The following FUT8 variants were observed in gnomAD, a reference collection of about 807,000 sequenced individuals.
FUT8 encodes the protein fucosyltransferase 8.
FUT8 carries 29 observed loss-of-function variants against 71.3 expected under a neutral mutation model. The observed-to-expected ratio is 0.41, with a 90% CI of 0.30 to 0.55. The LOEUF (loss-of-function observed/expected upper bound fraction) is 0.55, where lower values mean the gene tolerates loss of function less well. FUT8 is among the 20% of genes least tolerant of loss of function. The pLI is 0.34. For missense variants in FUT8, 544 were observed against 702.1 expected (o/e 0.77, Z 2.55); for synonymous variants, 254 against 239.3 (o/e 1.06, Z -0.57).
intron 2 of FUT8, among the ~76,000 whole-genome samples, chr14:65,522,232 T>G (rs188541493): frequency 3.9e-5 from 6 of 152,350 alleles, no homozygotes; most frequent in African/African-American, 1.4e-4. Context: ...CTCTCCCGAC[T>G]TTTCCTTTTG....
chr14:65,700,039 T>C (rs1363889204), intron 7 of FUT8, among the ~76,000 whole-genome samples: 1 of 152,194 alleles, frequency 6.6e-6, no homozygotes, highest in Non-Finnish European at 1.5e-5. Context: ...AAGAAATAAT[T>C]TGTTGGTACA....
chr14:65,481,812 A>T (rs886623415), intron 2 of FUT8, among the ~76,000 whole-genome samples: 3 of 151,980 alleles, frequency 2.0e-5, no homozygotes, highest in African/African-American at 7.3e-5. Flanking sequence ...CCATTATTTA[A>T]ATTGGGTTGT....
chr14:65,438,536 A>C (rs2065594993), intron 1 of FUT8, among the ~76,000 whole-genome samples: 1 of 152,180 alleles, frequency 6.6e-6, no homozygotes, highest in South Asian at 2.1e-4. Context: ...TATACTTGTA[A>C]GGATGGTAGA....
chr14:65,614,641 A>G (rs777224038), intron 3 of FUT8, among the ~76,000 whole-genome samples: 8 of 152,156 alleles, frequency 5.3e-5, no homozygotes, highest in Non-Finnish European at 1.0e-4. Flanking sequence ...TTCCTTGCTC[A>G]TGGTTGCTTC....
intron 7 of FUT8, among the ~76,000 whole-genome samples, chr14:65,705,028 C>A (rs76999762): frequency 6.6e-6 from 1 of 152,192 alleles, no homozygotes; most frequent in East Asian, 1.9e-4. Flanking sequence ...GTGTGATATG[C>A]TAATTCTTAA....
chr14:65,586,040 T>C (rs1015337694), intron 3 of FUT8, among the ~76,000 whole-genome samples: 1 of 152,122 alleles, frequency 6.6e-6, no homozygotes, highest in African/African-American at 2.4e-5. Flanking sequence ...TTAAAATAAT[T>C]GCATAGAGAA....
At chr14:65,451,608 C>T (rs1566755872) in intron 1 of FUT8, among the ~76,000 whole-genome samples, 1 of 152,066 alleles carries the variant, frequency 6.6e-6, no homozygotes, top group African/African-American at 2.4e-5. Flanking sequence ...TTGTCTGGCG[C>T]CCAGGAAAAA....
At chr14:65,514,018 A>G (rs1183414572) in intron 2 of FUT8, among the ~76,000 whole-genome samples, 1 of 152,236 alleles carries the variant, frequency 6.6e-6, no homozygotes, top group Non-Finnish European at 1.5e-5. Context: ...TCTTTATGTC[A>G]ACAGGTGAAC....
chr14:65,538,793 G>A (rs1268564366), intron 2 of FUT8, among the ~76,000 whole-genome samples: 3 of 152,104 alleles, frequency 2.0e-5, no homozygotes, highest in Non-Finnish European at 2.9e-5. Flanking sequence ...GGTGGCATGC[G>A]CCTGTAATCC....
intron 2 of FUT8, among the ~76,000 whole-genome samples, chr14:65,506,671 G>A (rs1223132126): frequency 6.6e-6 from 1 of 152,094 alleles, no homozygotes; most frequent in Non-Finnish European, 1.5e-5. Context: ...GTAGGTATAT[G>A]TATTTATGGG....
Position 65,652,336 on chromosome 14 carries a change from T to C in FUT8, c.598-16907T>C, listed in dbSNP as rs1404895496. The stretch of plus-strand genomic sequence containing the variant: ...TGCGATTTGCTCCTGGTTGATTCAA[T>C]ATAAGAGGAAGTTGGCTGGTGGGAA... On this transcript the variant is annotated intron_variant, in intron 6 of 10. Transcript: ENST00000673929. The surrounding 1 kb of genome is among the most constrained non-coding windows in gnomAD (Gnocchi z 4.0). Among the ~76,000 whole-genome samples, 1 of 152,238 alleles carries C rather than the reference T, an allele frequency of 6.6e-6. No homozygotes were observed. Among genetic ancestry groups the C allele is most frequent in the Non-Finnish European group, 1.5e-5 (1 of 68,038 alleles).
chr14:65,383,265 C>CT, the FUT8 span, among the ~76,000 whole-genome samples: 574 of 86,524 alleles, frequency 6.6e-3, 22 homozygotes, highest in East Asian at 0.01. Context: ...TTTTTCTTTT[C>CT]TTTTTTTTTT....
chr14:65,527,597 T>C (rs1297979854), intron 2 of FUT8, among the ~76,000 whole-genome samples: 2 of 152,238 alleles, frequency 1.3e-5, no homozygotes, highest in Non-Finnish European at 2.9e-5. Flanking sequence ...TTTGTTCTGT[T>C]GCTGGCCTTT....
intron 1 of FUT8, among the ~76,000 whole-genome samples, chr14:65,436,657 A>G (rs988638679): frequency 2.0e-5 from 3 of 152,026 alleles, no homozygotes; most frequent in Non-Finnish European, 2.9e-5. Context: ...GTTTTTTTCC[A>G]AAATAGAATA....
At chr14:65,592,163 C>T (rs567635521) in intron 3 of FUT8, among the ~76,000 whole-genome samples, 1 of 151,934 alleles carries the variant, frequency 6.6e-6, no homozygotes, top group East Asian at 1.9e-4. Flanking sequence ...GCACTAAATC[C>T]CTTTGGATAT....
intron 7 of FUT8, among the ~76,000 whole-genome samples, chr14:65,677,901 A>C (rs1892844377): frequency 6.6e-6 from 1 of 152,202 alleles, no homozygotes; most frequent in Admixed American, 6.5e-5. Flanking sequence ...TTCTGGCTAA[A>C]GCAATCAGAG....
chr14:65,709,394 G>C (rs139918665), intron 7 of FUT8, among the ~76,000 whole-genome samples: 1 of 152,108 alleles, frequency 6.6e-6, no homozygotes, highest in Non-Finnish European at 1.5e-5. Flanking sequence ...GCAGTGCCTT[G>C]ATAAAACATT....
intron 6 of FUT8, among the ~76,000 whole-genome samples, chr14:65,662,220 C>G (rs1404471912): frequency 6.6e-6 from 1 of 152,068 alleles, no homozygotes; most frequent in Non-Finnish European, 1.5e-5. Context: ...TCGGATCAGC[C>G]TGGGCAACAT....
intron 6 of FUT8, among the ~76,000 whole-genome samples, chr14:65,650,044 G>C (rs563537188): frequency 2.5e-4 from 38 of 152,080 alleles, no homozygotes; most frequent in South Asian, 1.7e-3. Context: ...CGCCTGTAAT[G>C]CCAGCACTTT....
Sources: allele counts gnomAD v4.1 joint callset (sites outside exome capture counted in the v4.1 genomes callset), GRCh38; gene constraint gnomAD v4.1.1; non-coding constraint Gnocchi (gnomAD v3.1); transcripts MANE v1.5; gene names NCBI Gene and HGNC (gene_info 2026-07-23, HGNC 2026-07-21).